RAB38: variants seen among roughly 807,000 people sequenced by gnomAD.
RAB38 encodes RAB38, member RAS oncogene family, also known as ras-related protein Rab-38.
RAB38 carries 15 observed loss-of-function variants against 18.4 expected under a neutral mutation model. The ratio of observed to expected loss-of-function variants is 0.82; its 90% CI spans 0.55 to 1.26. The LOEUF is 1.26. Ranked by LOEUF, RAB38 falls within the 50% of genes most tolerant of loss-of-function variation. RAB38 has a pLI of 0.00. For synonymous variants in RAB38, 101 were observed against 104.4 expected, an observed-to-expected ratio of 0.97 and a Z score of 0.20; for missense variants, 294 against 267.4, an observed-to-expected ratio of 1.10 and a Z score of -0.69.
the RAB38 span, among the ~76,000 whole-genome samples, chr11:87,931,041 A>G: frequency 1.2e-4 from 19 of 152,072 alleles, no homozygotes; most frequent in Non-Finnish European, 4.4e-5. Flanking sequence ...TTGACTTGGC[A>G]ATGCGGGTTC....
chr11:88,148,111 T>A (rs1027873742), intron 2 of RAB38, among the ~76,000 whole-genome samples: 1 of 151,786 alleles, frequency 6.6e-6, no homozygotes, highest in African/African-American at 2.4e-5. Context: ...ACAGGGGAAA[T>A]CAAAATTTTA....
the RAB38 span, among the ~76,000 whole-genome samples, chr11:88,026,435 C>G: frequency 0.016 from 2,419 of 151,456 alleles, 57 homozygotes; most frequent in African/African-American, 0.054. Context: ...TGGTGGAGGG[C>G]ACCTGTAATC....
At chr11:87,940,157 C>A in the RAB38 span, among the ~76,000 whole-genome samples, 3 of 128,744 alleles carry the variant, frequency 2.3e-5, no homozygotes, top group African/African-American at 5.4e-5. Context: ...GACATTTACC[C>A]AGATAATACA....
the RAB38 span, among the ~76,000 whole-genome samples, chr11:87,965,558 G>T: frequency 6.6e-6 from 1 of 152,096 alleles, no homozygotes; most frequent in Non-Finnish European, 1.5e-5. Context: ...GGGTTTATAG[G>T]GTCAGGCTCT....
the RAB38 span, among the ~76,000 whole-genome samples, chr11:88,060,521 A>G: frequency 6.6e-6 from 1 of 152,180 alleles, no homozygotes; most frequent in Non-Finnish European, 1.5e-5. Context: ...AGGGAGCTCC[A>G]GGAGATGTAG....
chr11:88,139,743 G>T (rs1214390445), intron 2 of RAB38, among the ~76,000 whole-genome samples: 7 of 152,094 alleles, frequency 4.6e-5, no homozygotes, highest in Non-Finnish European at 7.3e-5. Context: ...TAGGGCCAAG[G>T]CATCTGCAAT....
chr11:88,023,980 T>A, the RAB38 span, among the ~76,000 whole-genome samples: 1 of 152,104 alleles, frequency 6.6e-6, no homozygotes, highest in African/African-American at 2.4e-5. Flanking sequence ...AGGACATTGA[T>A]CTGGGCAAAA....
the RAB38 span, among the ~76,000 whole-genome samples, chr11:87,977,993 AACT>A: frequency 2.5e-4 from 26 of 103,446 alleles, no homozygotes; most frequent in East Asian, 4.7e-3. Context: ...ATATCTTATA[AACT>A]ATTATTTTAA....
the RAB38 span, among the ~76,000 whole-genome samples, chr11:88,102,359 A>G: frequency 6.6e-6 from 1 of 152,120 alleles, no homozygotes; most frequent in East Asian, 1.9e-4. Flanking sequence ...TTTCATTCTC[A>G]GTGAGGCTTC....
At chr11:88,117,212 T>C (rs771434682) in intron 2 of RAB38, among the ~76,000 whole-genome samples, 5 of 152,154 alleles carry the variant, frequency 3.3e-5, no homozygotes, top group Non-Finnish European at 5.9e-5. Context: ...CAATTAATAG[T>C]ATTTAGATTT....
At chr11:87,977,485 TATATAATATAATTTTATATG>T in the RAB38 span, among the ~76,000 whole-genome samples, 46 of 47,120 alleles carry the variant, frequency 9.8e-4, 2 homozygotes, top group African/African-American at 4.6e-3. Flanking sequence ...TATATAATTA[TATATAATATAATTTTATATG>T]ATTATGTAAT....
the RAB38 span, among the ~76,000 whole-genome samples, chr11:87,856,959 A>T: frequency 6.6e-6 from 1 of 152,026 alleles, no homozygotes; most frequent in Non-Finnish European, 1.5e-5. Context: ...GGTGTGCTGC[A>T]CCCATTAACT....
the RAB38 span, among the ~76,000 whole-genome samples, chr11:87,966,871 T>C: frequency 1.2e-3 from 180 of 152,212 alleles, 1 homozygote; most frequent in African/African-American, 4.1e-3. Flanking sequence ...GCATGTTCTG[T>C]TACCTCTTTG....
At chr11:88,023,995 C>A in the RAB38 span, among the ~76,000 whole-genome samples, 1 of 152,220 alleles carries the variant, frequency 6.6e-6, no homozygotes, top group East Asian at 1.9e-4. Context: ...GCAAAAATTT[C>A]TTGAGCAATA....
At chr11:88,022,039 A>G in the RAB38 span, among the ~76,000 whole-genome samples, 1 of 151,984 alleles carries the variant, frequency 6.6e-6, no homozygotes, top group African/African-American at 2.4e-5. Context: ...AGATAAAGAC[A>G]CATCAAAAAA....
At chr11:88,138,583 A>G (rs941260973) in intron 2 of RAB38, among the ~76,000 whole-genome samples, 2 of 152,054 alleles carry the variant, frequency 1.3e-5, no homozygotes, top group African/African-American at 4.8e-5. Flanking sequence ...TCTAATTTTG[A>G]CTCTGCCACC....
At chr11:87,946,767 C>CA in the RAB38 span, among the ~76,000 whole-genome samples, 1 of 150,676 alleles carries the variant, frequency 6.6e-6, no homozygotes. Context: ...ATATGTGCCA[C>CA]ATTTTCTTAA....
the RAB38 span, among the ~76,000 whole-genome samples, chr11:87,937,351 T>TATATATAA: frequency 2.7e-5 from 3 of 112,108 alleles, no homozygotes; most frequent in East Asian, 2.6e-4. Flanking sequence ...TATATATATA[T>TATATATAA]CATAATTCTA....
At chr11:87,864,837 T>G in the RAB38 span, among the ~76,000 whole-genome samples, 1 of 151,760 alleles carries the variant, frequency 6.6e-6, no homozygotes, top group African/African-American at 2.4e-5. Context: ...GAGTTTAACT[T>G]AATATCGCAG....
Sources: gnomAD v4.1 joint callset for allele counts (sites outside exome capture counted in the v4.1 genomes callset) on GRCh38, gnomAD v4.1.1 for gene constraint, MANE v1.5 for transcripts, NCBI Gene and HGNC (gene_info 2026-07-23, HGNC 2026-07-21) for gene names.